FANK1: variants seen among roughly 807,000 people sequenced by gnomAD.
FANK1 encodes fibronectin type III and ankyrin repeat domains 1, also known as fibronectin type 3 and ankyrin repeat domains protein 1.
Under a neutral mutation model 45.3 loss-of-function variants are expected in FANK1, and 44 were observed. The observed-to-expected ratio is 0.97, with a 90% CI of 0.76 to 1.25. FANK1 has a LOEUF of 1.25. Ranked by LOEUF, FANK1 falls within the 50% of genes most tolerant of loss-of-function variation. The pLI is 0.00. For synonymous variants in FANK1, 149 were observed against 152.5 expected (o/e 0.98, Z 0.17); for missense variants, 391 against 424.4 (o/e 0.92, Z 0.69).
At chr10:125,968,804 G>T (rs530893905) in intron 1 of FANK1, among the ~76,000 whole-genome samples, 5 of 151,934 alleles carry the variant, frequency 3.3e-5, no homozygotes, top group Non-Finnish European at 7.4e-5. Flanking sequence ...AGTTTTCTAC[G>T]TTCAAACCTA....
intron 1 of FANK1, among the ~76,000 whole-genome samples, chr10:125,960,702 G>A (rs1278494628): frequency 1.3e-5 from 2 of 152,020 alleles, no homozygotes; most frequent in East Asian, 1.9e-4. Flanking sequence ...AATTTTTTTT[G>A]TATTTTTAGT....
intron 1 of FANK1, among the ~76,000 whole-genome samples, chr10:125,918,035 A>C (rs1312674184): frequency 9.3e-4 from 142 of 152,020 alleles, no homozygotes; most frequent in East Asian, 3.9e-4. Context: ...AATTATGATC[A>C]TGCCACTGTA....
chr10:125,960,970 T>C (rs1194476509), intron 1 of FANK1, among the ~76,000 whole-genome samples: 2 of 152,186 alleles, frequency 1.3e-5, no homozygotes, highest in Non-Finnish European at 2.9e-5. Context: ...AGGTATACAC[T>C]GTCAGACTTC....
chr10:126,004,621 G>A lies in FANK1; in HGVS notation c.540-263G>A, dbSNP rs115125859. On this transcript the variant is annotated intron_variant, in intron 6 of 10. Coordinates refer to ENST00000368693, the MANE Select transcript of FANK1 (RefSeq NM_145235.5). ...TCGTATAAATGGAATCAGACAATATGTGGCCTTTCATGGCTGGCATCTTTC... is the reference window on the plus strand; with the variant it reads ...TCGTATAAATGGAATCAGACAATATATGGCCTTTCATGGCTGGCATCTTTC... 1,656 of 404,086 alleles carry A rather than the reference G, an allele frequency of 4.1e-3. 18 individuals carry two copies. Among genetic ancestry groups the A allele is most frequent in the African/African-American group, 0.022 (1,101 of 49,462 alleles). 25.0% of individuals were successfully genotyped at this position (404,086 alleles called of 1,614,324 possible).
At chr10:125,918,098 G>GTA (rs1946603920) in intron 1 of FANK1, among the ~76,000 whole-genome samples, 1 of 152,282 alleles carries the variant, frequency 6.6e-6, no homozygotes, top group Non-Finnish European at 1.5e-5. Flanking sequence ...AAAAAAAAGG[G>GTA]TAGTTTGGTG....
intron 1 of FANK1, among the ~76,000 whole-genome samples, chr10:125,936,216 A>G (rs1948085931): frequency 6.6e-6 from 1 of 152,182 alleles, no homozygotes; most frequent in African/African-American, 2.4e-5. Flanking sequence ...TGAATCTAAG[A>G]CAATAATCCT....
rs188967807 is a variant in FANK1, at chr10:126,005,377, G to T, written c.705+328G>T. On this transcript the variant is annotated intron_variant, in intron 7 of 10. Transcript: ENST00000368693. ...CGCTGGAGTGCAGTGGCGCGATCTC[G>T]GTTCATTGAGGCCTCCGCCTCCCAG... is the stretch of plus-strand genomic sequence containing the variant. Among the ~76,000 whole-genome samples, 237 of 150,394 alleles carry T rather than the reference G, an allele frequency of 1.6e-3. 1 individual carries two copies. The highest frequency in any genetic ancestry group is 5.5e-3 in the African/African-American group (224 of 40,596).
intron 1 of FANK1, among the ~76,000 whole-genome samples, chr10:125,926,039 A>AC (rs1337989462): frequency 7.9e-5 from 12 of 151,964 alleles, no homozygotes; most frequent in African/African-American, 2.9e-4. Flanking sequence ...AGTAACTGTC[A>AC]TGCTAATTTA....
chr10:125,954,725 G>A (rs1949467324), intron 1 of FANK1, among the ~76,000 whole-genome samples: 1 of 152,050 alleles, frequency 6.6e-6, no homozygotes, highest in Non-Finnish European at 1.5e-5. Context: ...TTCGAGACCA[G>A]CCTGGCCAAC....
chr10:125,995,007 T>C (rs1331128527), intron 3 of FANK1: 2 of 916,116 alleles, frequency 2.2e-6, no homozygotes, highest in Non-Finnish European at 2.6e-6. Context: ...TTTCAAATGT[T>C]AAAGCACTTT....
Position 125,980,282 on chromosome 10 carries a change from C to T in FANK1, c.135C>T (p.Phe45=), listed in dbSNP as rs1488676168. The change falls in exon 2 of 11, where the codon TTC becomes TTT. Residue 45 remains phenylalanine (F), a synonymous_variant. Coordinates refer to ENST00000368693, the MANE Select transcript of FANK1 (RefSeq NM_145235.5). ...GCCAAGGACCTCAAGAGCAGTGGTTCAGGTTCTCGATTGAAGAAGAAGACC... is the reference window on the plus strand; with the variant it reads ...GCCAAGGACCTCAAGAGCAGTGGTTTAGGTTCTCGATTGAAGAAGAAGACC... The part of the protein sequence containing the change: ...AKRQGPQEQW[F]RFSIEEEDPK... 1.2e-6 allele frequency: 2 copies of T among 1,613,944 alleles called. No individual in the cohort carries two copies. Among genetic ancestry groups the T allele is most frequent in the East Asian group, 2.2e-5 (1 of 44,882 alleles).
At chr10:125,928,223 C>A (rs1017018875) in intron 1 of FANK1, among the ~76,000 whole-genome samples, 1 of 147,782 alleles carries the variant, frequency 6.8e-6, no homozygotes, top group African/African-American at 2.5e-5. Flanking sequence ...ATGGTTATTT[C>A]TAGATAATAT....
At chr10:125,934,754 TTTTTTTTG>T (rs1426207551) in intron 1 of FANK1, among the ~76,000 whole-genome samples, 65 of 111,036 alleles carry the variant, frequency 5.9e-4, no homozygotes, top group East Asian at 1.7e-3. Context: ...TTTTTTTTTT[TTTTTTTTG>T]CAAATCACGA....
At chr10:125,950,994 C>T (rs1451617287) in intron 1 of FANK1, among the ~76,000 whole-genome samples, 1 of 147,004 alleles carries the variant, frequency 6.8e-6, no homozygotes, top group African/African-American at 2.5e-5. Context: ...ATCGCAAGAA[C>T]AAAAAACCAA....
At chr10:125,952,619 A>C (rs1005013088) in intron 1 of FANK1, among the ~76,000 whole-genome samples, 1 of 151,988 alleles carries the variant, frequency 6.6e-6, no homozygotes, top group Non-Finnish European at 1.5e-5. Context: ...CCAGCAGCTC[A>C]GGTGTCATCT....
At chr10:125,943,647 G>T (rs902878274) in intron 1 of FANK1, among the ~76,000 whole-genome samples, 5 of 152,160 alleles carry the variant, frequency 3.3e-5, no homozygotes, top group African/African-American at 1.2e-4. Flanking sequence ...TCATGCTCAG[G>T]TGTTCCTTCT....
intron 1 of FANK1, among the ~76,000 whole-genome samples, chr10:125,942,180 G>A (rs1948493297): frequency 1.3e-5 from 2 of 152,192 alleles, no homozygotes; most frequent in South Asian, 4.1e-4. Flanking sequence ...AAAATGCTAG[G>A]AGTAAATTTC....
intron 1 of FANK1, among the ~76,000 whole-genome samples, chr10:125,914,779 C>T (rs1237113998): frequency 3.9e-5 from 6 of 152,004 alleles, no homozygotes; most frequent in Non-Finnish European, 8.8e-5. Context: ...AGCTTATTTT[C>T]GCTGCCTGAA....
intron 2 of FANK1, among the ~76,000 whole-genome samples, chr10:125,982,549 C>CT: frequency 6.6e-6 from 1 of 152,196 alleles, no homozygotes; most frequent in South Asian, 2.1e-4. Flanking sequence ...CTTTTGCTTC[C>CT]TTATTTCTTT....
Sources: allele counts gnomAD v4.1 joint callset (sites outside exome capture counted in the v4.1 genomes callset), GRCh38; gene constraint gnomAD v4.1.1; transcripts MANE v1.5; gene names NCBI Gene and HGNC (gene_info 2026-07-23, HGNC 2026-07-21).